The following PIAS1 variants were observed in gnomAD, a reference collection of about 807,000 sequenced individuals.
PIAS1 encodes the protein E3 SUMO-protein ligase PIAS1.
A neutral mutation model predicts 71.3 loss-of-function variants in PIAS1; 6 were observed. The observed-to-expected ratio is 0.08, with a 90% CI of 0.05 to 0.17. The LOEUF is 0.17. Ranked by LOEUF, PIAS1 falls within the 10% of genes least tolerant of loss-of-function variation. PIAS1 has a pLI of 1.00. For missense variants in PIAS1, 555 were observed against 793.6 expected (o/e 0.70, Z 3.61); for synonymous variants, 303 against 292.9 (o/e 1.03, Z -0.35).
chr15:68,066,515 C>G (rs987752205), intron 1 of PIAS1, among the ~76,000 whole-genome samples: 6 of 152,132 alleles, frequency 3.9e-5, no homozygotes, highest in Admixed American at 3.3e-4. Flanking sequence ...TAGCTCTTAC[C>G]AAATATATAT....
rs530573906 is a variant in PIAS1 at position 68,064,975 on chromosome 15, G to T, written c.24+10625G>T. On this transcript the variant is annotated intron_variant, in intron 1 of 13. Coordinates refer to ENST00000249636, the MANE Select transcript of PIAS1 (RefSeq NM_016166.3). ...GCCCAGGCTGGTCTCGAAGTCGGGG[G>T]CTCCAGTGATCGCCTGCCTCGGCCT... Among the ~76,000 whole-genome samples the T allele has an allele frequency of 1.5e-3, 225 of 152,120 alleles. 4 individuals are homozygous for T. Among genetic ancestry groups the T allele is most frequent in the African/African-American group, 5.2e-3 (214 of 41,480 alleles).
chr15:68,074,840 CT>C lies in PIAS1; in HGVS notation c.25-11455del, dbSNP rs753381320. On this transcript the variant is annotated intron_variant, in intron 1 of 13. Coordinates refer to ENST00000249636, the MANE Select transcript of PIAS1 (RefSeq NM_016166.3). ...CTTCTTATCTGGAACTTTAGCATTC[CT>C]TTTTTTTTTTCTTTTTGCTTTTTTG... is the stretch of plus-strand genomic sequence containing the variant. Among the ~76,000 whole-genome samples the C allele has an allele frequency of 7.8e-4, 112 of 142,770 alleles. 1 individual carries two copies. The highest frequency in any genetic ancestry group is 3.0e-3 in the East Asian group (15 of 4,926). The allele number at this position is 142,770 out of a possible 152,430, so 93.7% of individuals were successfully genotyped here.
At chr15:68,059,080 C>CTGCAAGCTCCGCCTCCCGGGTT (rs1337374821) in intron 1 of PIAS1, among the ~76,000 whole-genome samples, 10 of 146,868 alleles carry the variant, frequency 6.8e-5, no homozygotes, top group African/African-American at 2.3e-4. Flanking sequence ...TCTCGGCGCA[C>CTGCAAGCTCCGCCTCCCGGGTT]TGCAAGCTCC....
At position 68,054,526 on chromosome 15, in the gene PIAS1, G is replaced by GCGGGCCCCGGGTGCCT. The variant is rs1343260301; in HGVS notation, c.24+181_24+196dup. Reference sequence around the variant, plus strand: ...AGAGGGGGCCCGCCTGCGGCGGGCCGCGGGCCCCGGGTGCCTCGGGGGCGC... The same window carrying GCGGGCCCCGGGTGCCT: ...AGAGGGGGCCCGCCTGCGGCGGGCCGCGGGCCCCGGGTGCCTCGGGCCCCGGGTGCCTCGGGGGCGC... On this transcript the variant is annotated intron_variant, in intron 1 of 13. Transcript: ENST00000249636. The surrounding 1 kb of genome is among the most constrained non-coding windows in gnomAD (Gnocchi z 4.6). 7.1e-6 allele frequency: 4 copies of GCGGGCCCCGGGTGCCT among 562,646 alleles called. No individual in the cohort carries two copies. Among genetic ancestry groups the GCGGGCCCCGGGTGCCT allele is most frequent in the Non-Finnish European group, 1.2e-5 (4 of 333,830 alleles). The allele number at this position is 562,646 out of a possible 1,614,324, so 34.9% of individuals were successfully genotyped here. A position where few individuals can be genotyped will look rare whatever the true frequency, so the allele number is the denominator to read the frequency against.
In PIAS1 at chr15:68,177,006, G is replaced by A. The variant is rs185874789; in HGVS notation, c.1481+352G>A. The stretch of plus-strand genomic sequence containing the variant: ...GAAAATTTGTCTTTCTAGGCCAGGC[G>A]TCATGTCTCATACCTGTAATCCTAG... On this transcript the variant is annotated intron_variant, in intron 11 of 13. Coordinates refer to ENST00000249636, the MANE Select transcript of PIAS1 (RefSeq NM_016166.3). Among the ~76,000 whole-genome samples the A allele has an allele frequency of 2.2e-4, 33 of 152,196 alleles. 1 individual carries two copies. The highest frequency in any genetic ancestry group is 2.1e-4 in the South Asian group (1 of 4,822).
At chr15:68,128,741 C>G (rs563321508) in intron 2 of PIAS1, among the ~76,000 whole-genome samples, 11 of 152,062 alleles carry the variant, frequency 7.2e-5, no homozygotes, top group Non-Finnish European at 1.2e-4. Context: ...AGGGTCTGTT[C>G]CTGTTTGCAT....
At chr15:68,121,573 CTCTTA>C (rs1395578364) in intron 2 of PIAS1, among the ~76,000 whole-genome samples, 1 of 151,890 alleles carries the variant, frequency 6.6e-6, no homozygotes. Context: ...TTCTGGCCAC[CTCTTA>C]TCTTACTTAA....
chr15:68,150,199 T>A lies in PIAS1; in HGVS notation c.829-3391T>A, dbSNP rs537174780. 2.0e-5 allele frequency among the ~76,000 whole-genome samples: 3 copies of A among 152,218 alleles called. No homozygotes were observed. The East Asian group carries it at 5.8e-4, about 29-fold the overall frequency. Reference sequence around the variant, plus strand: ...GGGGAAAGTTTTGAAAATGTTTTGTTTTTGTGTATGAAAAGAATAGCTCAC... The same window carrying A: ...GGGGAAAGTTTTGAAAATGTTTTGTATTTGTGTATGAAAAGAATAGCTCAC... On this transcript the variant is annotated intron_variant, in intron 6 of 13. Coordinates refer to ENST00000249636, the MANE Select transcript of PIAS1 (RefSeq NM_016166.3).
intron 8 of PIAS1, among the ~76,000 whole-genome samples, chr15:68,165,644 A>G (rs1261735455): frequency 1.3e-5 from 2 of 152,234 alleles, no homozygotes; most frequent in Non-Finnish European, 2.9e-5. Flanking sequence ...AAATAAATAT[A>G]TGGTCCCAAG....
In PIAS1 at chr15:68,191,614, G is replaced by A. The variant is rs2093120637; in HGVS notation, c.*3779G>A. ...CTAATTTTCTTGCAGCATGCTTTGA[G>A]GTAAGTAATGAATATAGCCATCATT... On this transcript the variant is annotated 3_prime_UTR_variant, in exon 14 of 14. Coordinates refer to ENST00000249636, the MANE Select transcript of PIAS1 (RefSeq NM_016166.3). 6.6e-6 allele frequency: 1 copy of A among 152,632 alleles called. No homozygotes were observed. The highest frequency in any genetic ancestry group is 6.5e-5 in the Admixed American group (1 of 15,278). The allele number at this position is 152,632 out of a possible 1,614,324, so 9.5% of individuals were successfully genotyped here. A position where few individuals can be genotyped will look rare whatever the true frequency, so the allele number is the denominator to read the frequency against.
chr15:68,083,499 T>C (rs2092248853), intron 1 of PIAS1, among the ~76,000 whole-genome samples: 2 of 152,316 alleles, frequency 1.3e-5, no homozygotes, highest in South Asian at 4.1e-4. Flanking sequence ...ATCGCCAGTT[T>C]TTAAAAGCCA....
intron 2 of PIAS1, among the ~76,000 whole-genome samples, chr15:68,107,736 G>T: frequency 6.6e-6 from 1 of 151,704 alleles, no homozygotes; most frequent in East Asian, 1.9e-4. Context: ...GTTATAAACA[G>T]GAAAAAAGCT....
At chr15:68,088,023 G>T in intron 2 of PIAS1, 1 of 234,346 alleles carries the variant, frequency 4.3e-6, no homozygotes, top group Non-Finnish European at 8.9e-6. Flanking sequence ...TTCCTTCCTT[G>T]TTAGCTGTTT....
intron 4 of PIAS1, 82 bp downstream of exon 4, chr15:68,142,419 G>T: frequency 2.8e-6 from 3 of 1,060,770 alleles, no homozygotes. Context: ...AAGGTACAGT[G>T]CTGACTGTAG....
chr15:68,100,079 G>T (rs1163277764), intron 2 of PIAS1, among the ~76,000 whole-genome samples: 1 of 144,022 alleles, frequency 6.9e-6, no homozygotes, highest in Admixed American at 7.1e-5. Flanking sequence ...CTTCCAGTCT[G>T]TAGCTTGTAT....
chr15:68,121,590 C>T (rs1332264774), intron 2 of PIAS1, among the ~76,000 whole-genome samples: 2 of 151,950 alleles, frequency 1.3e-5, no homozygotes, highest in Non-Finnish European at 2.9e-5. Context: ...CTTACTTAAC[C>T]TTTAAATATT....
At chr15:68,139,616 T>C (rs770583010) in intron 2 of PIAS1, among the ~76,000 whole-genome samples, 3 of 152,206 alleles carry the variant, frequency 2.0e-5, no homozygotes, top group Admixed American at 6.5e-5. Flanking sequence ...TGAACCCCAT[T>C]AATATGTATA....
chr15:68,076,457 G>A (rs1405264575), intron 1 of PIAS1, among the ~76,000 whole-genome samples: 4 of 152,026 alleles, frequency 2.6e-5, no homozygotes, highest in African/African-American at 7.2e-5. Context: ...CCAAGACTGC[G>A]CCACTGCACT....
chr15:68,165,007 T>C (rs1468175292), intron 8 of PIAS1, among the ~76,000 whole-genome samples: 1 of 152,266 alleles, frequency 6.6e-6, no homozygotes, highest in Admixed American at 6.5e-5. Flanking sequence ...TAGTAAGACA[T>C]ATCTAAATAT....
Sources: allele counts gnomAD v4.1 joint callset (sites outside exome capture counted in the v4.1 genomes callset), GRCh38; gene constraint gnomAD v4.1.1; non-coding constraint Gnocchi (gnomAD v3.1); transcripts MANE v1.5; gene names NCBI Gene and HGNC (gene_info 2026-07-23, HGNC 2026-07-21).